DMD: variants seen among roughly 807,000 people sequenced by gnomAD.
DMD encodes mutant dystrophin.
A neutral mutation model predicts 330.1 loss-of-function variants in DMD; 63 were observed. The ratio of observed to expected loss-of-function variants is 0.19; its 90% CI spans 0.16 to 0.24. The LOEUF (loss-of-function observed/expected upper bound fraction) is 0.24. DMD is among the 10% of genes least tolerant of loss of function. DMD has a pLI of 1.00. For synonymous variants in DMD, 1,223 were observed against 959.8 expected (o/e 1.27, Z -5.07); for missense variants, 3,344 against 2,684.1 (o/e 1.25, Z -5.43).
intron 2 of DMD, among the ~76,000 whole-genome samples, chrX:32,965,702 A>G (rs1326133001): frequency 9.0e-6 from 1 of 111,052 alleles, no homozygotes; most frequent in Non-Finnish European, 1.9e-5. Context: ...TTTATTTTGT[A>G]TATGTTTGAA....
chrX:31,410,004 G>C (rs1461098384), intron 60 of DMD, among the ~76,000 whole-genome samples: 1 of 111,148 alleles, frequency 9.0e-6, no homozygotes, highest in Non-Finnish European at 1.9e-5. Context: ...TTTTTTAGTA[G>C]AGACAGGGTT....
At chrX:31,964,276 A>G (rs1267558012) in intron 45 of DMD, among the ~76,000 whole-genome samples, 1 of 111,427 alleles carries the variant, frequency 9.0e-6, no homozygotes, top group Non-Finnish European at 1.9e-5. Context: ...TCAAATTTCA[A>G]TATCGGTGAA....
intron 41 of DMD, among the ~76,000 whole-genome samples, chrX:32,312,076 C>G (rs183946778): frequency 2.2e-4 from 24 of 111,442 alleles, no homozygotes; most frequent in African/African-American, 7.5e-4. Flanking sequence ...ACATTTTACA[C>G]CTGTAAGTTT....
At chrX:32,554,971 G>GAGAGAGAGAGAGAAAGAAAGAGAC (rs2050135555) in intron 16 of DMD, among the ~76,000 whole-genome samples, 2 of 105,196 alleles carry the variant, frequency 1.9e-5, no homozygotes, top group Non-Finnish European at 3.9e-5. Flanking sequence ...AAGAAAGAGA[G>GAGAGAGAGAGAGAAAGAAAGAGAC]AGAGAGAGAG....
intron 42 of DMD, among the ~76,000 whole-genome samples, chrX:32,294,327 C>G (rs749315215): frequency 8.9e-6 from 1 of 112,409 alleles, no homozygotes; most frequent in South Asian, 3.7e-4. Flanking sequence ...TAGCTGTAAG[C>G]ACCCATGGAG....
intron 4 of DMD, among the ~76,000 whole-genome samples, chrX:32,831,453 AAAG>A (rs1211944312): frequency 2.2e-4 from 24 of 111,095 alleles, no homozygotes; most frequent in African/African-American, 7.5e-4. Context: ...TGCTTTACAG[AAAG>A]AAGAATAGCA....
intron 2 of DMD, among the ~76,000 whole-genome samples, chrX:32,919,886 G>A (rs1339485553): frequency 9.0e-6 from 1 of 111,621 alleles, no homozygotes; most frequent in Non-Finnish European, 1.9e-5. Context: ...TAAAAGCACT[G>A]ACTCATGGTT....
chrX:31,216,346 G>T, intron 64 of DMD, among the ~76,000 whole-genome samples: 1 of 112,103 alleles, frequency 8.9e-6, no homozygotes. Flanking sequence ...TCCCTAGTGG[G>T]TAACAGCTAA....
chrX:31,462,088 G>A (rs1403799069), intron 59 of DMD, among the ~76,000 whole-genome samples: 2 of 111,833 alleles, frequency 1.8e-5, no homozygotes, highest in East Asian at 2.8e-4. Context: ...TTTACACCAC[G>A]AAAACTGGTT....
intron 60 of DMD, among the ~76,000 whole-genome samples, chrX:31,434,418 G>GCACACACACACA (rs10572572): frequency 1.2e-4 from 9 of 78,065 alleles, no homozygotes; most frequent in Admixed American, 9.3e-4. Flanking sequence ...CAGCGCGCGC[G>GCACACACACACA]CACACACACA....
At chrX:31,224,808 A>G (rs1602969194) in intron 63 of DMD, among the ~76,000 whole-genome samples, 1 of 112,259 alleles carries the variant, frequency 8.9e-6, no homozygotes, top group Non-Finnish European at 1.9e-5. Flanking sequence ...AAAGTGCAAT[A>G]AAAAGGAACT....
At chrX:32,913,594 G>T (rs529753339) in intron 2 of DMD, among the ~76,000 whole-genome samples, 1 of 111,984 alleles carries the variant, frequency 8.9e-6, no homozygotes, top group African/African-American at 3.2e-5. Flanking sequence ...GGGAAATCCA[G>T]TTGGAACTGT....
At chrX:32,303,569 T>C (rs2097530758) in intron 42 of DMD, among the ~76,000 whole-genome samples, 1 of 111,072 alleles carries the variant, frequency 9.0e-6, no homozygotes, top group Non-Finnish European at 1.9e-5. Context: ...AATAATAGCT[T>C]TAAGCAGTTT....
At chrX:31,593,801 C>T (rs1410181714) in intron 55 of DMD, among the ~76,000 whole-genome samples, 2 of 109,450 alleles carry the variant, frequency 1.8e-5, no homozygotes, top group Non-Finnish European at 3.8e-5. Context: ...AAAAATAAAA[C>T]GTTTGTCTAT....
intron 55 of DMD, among the ~76,000 whole-genome samples, chrX:31,607,318 G>A (rs1391624337): frequency 8.9e-6 from 1 of 111,852 alleles, no homozygotes; most frequent in Admixed American, 9.5e-5. Flanking sequence ...AATAACAATG[G>A]CTACAATGAC....
intron 1 of DMD, among the ~76,000 whole-genome samples, chrX:33,285,198 A>T (rs1396924460): frequency 8.9e-6 from 1 of 111,845 alleles, no homozygotes; most frequent in Non-Finnish European, 1.9e-5. Flanking sequence ...TACATTTTTA[A>T]AAAAGAAAAC....
chrX:31,891,938 C>T (rs2149766992), intron 47 of DMD, among the ~76,000 whole-genome samples: 1 of 111,663 alleles, frequency 9.0e-6, no homozygotes, highest in African/African-American at 3.3e-5. Context: ...ATTAATTTAC[C>T]CAAATTGGAA....
intron 62 of DMD, among the ~76,000 whole-genome samples, chrX:31,268,333 C>A (rs756106522): frequency 8.9e-6 from 1 of 112,559 alleles, no homozygotes; most frequent in African/African-American, 3.2e-5. Flanking sequence ...AAAGGGAATG[C>A]CAGGATTCTT....
chrX:31,954,145 G>T (rs970209597), intron 45 of DMD, among the ~76,000 whole-genome samples: 1 of 111,089 alleles, frequency 9.0e-6, no homozygotes, highest in Non-Finnish European at 1.9e-5. Context: ...GGTCCCACGT[G>T]ACCCATATTC....
Sources: allele counts gnomAD v4.1 joint callset (sites outside exome capture counted in the v4.1 genomes callset), GRCh38; gene constraint gnomAD v4.1.1; transcripts MANE v1.5; gene names NCBI Gene and HGNC (gene_info 2026-07-23, HGNC 2026-07-21).